KCTD5: variants seen among roughly 807,000 people sequenced by gnomAD.
KCTD5 encodes potassium channel tetramerization domain containing 5, also known as BTB/POZ domain-containing protein KCTD5.
Under a neutral mutation model 27.9 loss-of-function variants are expected in KCTD5, and 12 were observed. The ratio of observed to expected loss-of-function variants is 0.43; its 90% CI spans 0.28 to 0.70. The LOEUF (loss-of-function observed/expected upper bound fraction) is 0.70, where lower values mean the gene tolerates loss of function less well. KCTD5 is among the 30% of genes least tolerant of loss of function. The pLI is 0.19. For missense variants in KCTD5, 226 were observed against 274.8 expected, an observed-to-expected ratio of 0.82 and a Z score of 1.26; for synonymous variants, 147 against 121.4, an observed-to-expected ratio of 1.21 and a Z score of -1.39.
chr16:2,686,599 C>T (rs1237590038), intron 1 of KCTD5, among the ~76,000 whole-genome samples: 3 of 69,218 alleles, frequency 4.3e-5, no homozygotes, highest in African/African-American at 1.2e-4. Context: ...GGGGAGGCTT[C>T]GGTTCCTGCA....
At chr16:2,688,228 A>AT (rs2067549785) in intron 1 of KCTD5, among the ~76,000 whole-genome samples, 104 of 84,544 alleles carry the variant, frequency 1.2e-3, no homozygotes, top group South Asian at 4.0e-3. Flanking sequence ...TAAATAAATA[A>AT]ATATATATAT....
chr16:2,688,386 G>A (rs569942197), intron 1 of KCTD5, among the ~76,000 whole-genome samples: 1 of 151,938 alleles, frequency 6.6e-6, no homozygotes, highest in South Asian at 2.1e-4. Flanking sequence ...AAGTAGCTGG[G>A]ATTACAGGCA....
At chr16:2,697,395 T>A in intron 2 of KCTD5, 1 of 154,702 alleles carries the variant, frequency 6.5e-6, no homozygotes, top group Non-Finnish European at 1.4e-5. Context: ...CAGTCTTCCC[T>A]TTGAATGGGG....
chr16:2,698,674 G>C (rs945691112), intron 3 of KCTD5, among the ~76,000 whole-genome samples: 9 of 149,876 alleles, frequency 6.0e-5, no homozygotes, highest in African/African-American at 1.7e-4. Context: ...GCTGCCATCA[G>C]AAGTCTCGGT....
At chr16:2,688,385 G>A (rs181828478) in intron 1 of KCTD5, among the ~76,000 whole-genome samples, 34 of 151,824 alleles carry the variant, frequency 2.2e-4, no homozygotes, top group Admixed American at 2.2e-3. Context: ...CAAGTAGCTG[G>A]GATTACAGGC....
At chr16:2,700,471 C>T (rs1159520381) in intron 4 of KCTD5, among the ~76,000 whole-genome samples, 2 of 152,160 alleles carry the variant, frequency 1.3e-5, no homozygotes, top group Non-Finnish European at 2.9e-5. Flanking sequence ...CTGAGTGCTG[C>T]ATGGGCCACT....
rs775971499 is a variant in KCTD5 at position 2,682,581 on chromosome 16, G to A, written c.33G>A (p.Pro11=). MAENHCELLS[P]ARGGIGAGLG... is the part of the protein sequence containing the mutation. ...AGAATCACTGCGAGCTCCTGTCGCCGGCCCGGGGCGGCATCGGGGCGGGGC... is the reference window on the plus strand; with the variant it reads ...AGAATCACTGCGAGCTCCTGTCGCCAGCCCGGGGCGGCATCGGGGCGGGGC... The change falls in exon 1 of 6, where the codon CCG becomes CCA. Residue 11 remains proline, a synonymous_variant. Coordinates refer to ENST00000301738, the MANE Select transcript of KCTD5 (RefSeq NM_018992.4). 4.2e-6 allele frequency: 6 copies of A among 1,414,004 alleles called. No individual in the cohort carries two copies. Among genetic ancestry groups the A allele is most frequent in the African/African-American group, 3.0e-5 (2 of 66,688 alleles). 87.6% of individuals were successfully genotyped at this position (1,414,004 alleles called of 1,614,324 possible).
chr16:2,689,389 T>G (rs2067555301), intron 1 of KCTD5, among the ~76,000 whole-genome samples: 1 of 93,040 alleles, frequency 1.1e-5, no homozygotes, highest in Non-Finnish European at 2.2e-5. Flanking sequence ...TTAGGTTGAT[T>G]GCAGATGTTG....
intron 1 of KCTD5, among the ~76,000 whole-genome samples, chr16:2,693,084 G>A (rs905050967): frequency 2.6e-5 from 4 of 152,234 alleles, no homozygotes; most frequent in African/African-American, 9.6e-5. Context: ...TCAGTGGGGT[G>A]GGTGTGATGG....
At chr16:2,700,475 G>T (rs1387508828) in intron 4 of KCTD5, among the ~76,000 whole-genome samples, 2 of 152,074 alleles carry the variant, frequency 1.3e-5, no homozygotes, top group Non-Finnish European at 2.9e-5. Flanking sequence ...GTGCTGCATG[G>T]GCCACTGTGC....
chr16:2,701,197 T>C (rs958823663), intron 4 of KCTD5, among the ~76,000 whole-genome samples: 1 of 152,216 alleles, frequency 6.6e-6, no homozygotes, highest in African/African-American at 2.4e-5. Flanking sequence ...TCTTCGACCT[T>C]AGCACTTCTG....
At chr16:2,699,761 G>GCCACAGGCAGCAGTGGGACATGGGT in intron 3 of KCTD5, 60 bp from the exon 4 acceptor site, 1 of 1,508,574 alleles carries the variant, frequency 6.6e-7, no homozygotes, top group African/African-American at 1.4e-5. Context: ...CTGGGCTGGG[G>GCCACAGGCAGCAGTGGGACATGGGT]CCACAGGCAG....
intron 1 of KCTD5, among the ~76,000 whole-genome samples, chr16:2,686,719 G>T (rs2067540717): frequency 7.9e-6 from 1 of 125,898 alleles, no homozygotes; most frequent in Non-Finnish European, 1.7e-5. Flanking sequence ...TCTTTGAGGG[G>T]TGGGGCAGTC....
chr16:2,687,854 C>CCA (rs976813248), intron 1 of KCTD5, among the ~76,000 whole-genome samples: 6 of 152,156 alleles, frequency 3.9e-5, no homozygotes, highest in Non-Finnish European at 5.9e-5. Flanking sequence ...TGCCAGCAAG[C>CCA]CATCTCTCTC....
intron 3 of KCTD5, among the ~76,000 whole-genome samples, chr16:2,698,721 G>T (rs973059780): frequency 1.3e-5 from 2 of 152,170 alleles, no homozygotes; most frequent in African/African-American, 4.8e-5. Flanking sequence ...GACGCTCCTA[G>T]CCTGGCCGCT....
intron 3 of KCTD5, among the ~76,000 whole-genome samples, chr16:2,698,436 G>A (rs1186000281): frequency 6.6e-6 from 1 of 152,228 alleles, no homozygotes; most frequent in Non-Finnish European, 1.5e-5. Context: ...GTTTTATTGG[G>A]AAGAGGGGCG....
chr16:2,698,266 G>A (rs911357245), intron 3 of KCTD5, among the ~76,000 whole-genome samples: 3 of 152,254 alleles, frequency 2.0e-5, no homozygotes, highest in Non-Finnish European at 2.9e-5. Flanking sequence ...CACGGGAGAC[G>A]TGTGTAGGGA....
intron 2 of KCTD5, among the ~76,000 whole-genome samples, chr16:2,696,551 C>T (rs953460296): frequency 1.3e-5 from 2 of 152,268 alleles, no homozygotes; most frequent in South Asian, 2.1e-4. Flanking sequence ...GGCGCCCACA[C>T]GCGTTGGGCC....
intron 1 of KCTD5, among the ~76,000 whole-genome samples, chr16:2,692,781 C>T (rs532435671): frequency 2.2e-4 from 34 of 152,242 alleles, no homozygotes; most frequent in South Asian, 1.7e-3. Flanking sequence ...CGCCTGGGCT[C>T]GGCCCCAACT....
Sources: allele counts gnomAD v4.1 joint callset (sites outside exome capture counted in the v4.1 genomes callset), GRCh38; gene constraint gnomAD v4.1.1; transcripts MANE v1.5; gene names NCBI Gene and HGNC (gene_info 2026-07-23, HGNC 2026-07-21).